The following PPIL1 variants were observed in gnomAD, a reference collection of about 807,000 sequenced individuals.
PPIL1 encodes the protein peptidyl-prolyl cis-trans isomerase-like 1.
A neutral mutation model predicts 19.4 loss-of-function variants in PPIL1; 14 were observed. The ratio of observed to expected loss-of-function variants is 0.72; its 90% CI spans 0.48 to 1.13. The LOEUF (loss-of-function observed/expected upper bound fraction) is 1.13. Ranked by LOEUF, PPIL1 falls within the 50% of genes most tolerant of loss-of-function variation. PPIL1 has a pLI of 0.00. For synonymous variants in PPIL1, 72 were observed against 73.6 expected, an observed-to-expected ratio of 0.98 and a Z score of 0.11; for missense variants, 192 against 218.0, an observed-to-expected ratio of 0.88 and a Z score of 0.75.
chr6:36,856,643 C>T lies in PPIL1; in HGVS notation c.223G>A (p.Ala75Thr), dbSNP rs757542964. 3 of 1,614,064 alleles carry T rather than the reference C, an allele frequency of 1.9e-6. No individual in the cohort carries two copies. Among genetic ancestry groups the T allele is most frequent in the Admixed American group, 3.3e-5 (2 of 60,022 alleles). ...GDPTGTGRGG[A>T]SIYGKQFEDE... Reference sequence around the variant, plus strand: ...TCAAACTGTTTGCCATAGATAGATGCACCACCTCGACCTGCCCGATTGGAA... The same window carrying T: ...TCAAACTGTTTGCCATAGATAGATGTACCACCTCGACCTGCCCGATTGGAA... Residue 75 changes from alanine (A) to threonine (T), a missense_variant, in exon 3 of 4, where the codon GCA (alanine) becomes ACA (threonine). Ala to Thr is a moderately conservative substitution (Grantham distance 58). Coordinates refer to ENST00000373699, the MANE Select transcript of PPIL1 (RefSeq NM_016059.5).
chr6:36,860,004 T>C (rs900438449), intron 2 of PPIL1, among the ~76,000 whole-genome samples: 2 of 152,064 alleles, frequency 1.3e-5, no homozygotes, highest in African/African-American at 4.8e-5. Context: ...AATTTTTGTA[T>C]TTTTAGTAGA....
chr6:36,863,140 C>T (rs1262133992), intron 2 of PPIL1, among the ~76,000 whole-genome samples: 1 of 152,088 alleles, frequency 6.6e-6, no homozygotes, highest in Non-Finnish European at 1.5e-5. Context: ...GATGAAGAGC[C>T]CCTTTAACTG....
intron 1 of PPIL1, 21 bp downstream of exon 1, chr6:36,874,696 C>G (rs200226282): frequency 3.1e-6 from 5 of 1,613,274 alleles, no homozygotes; most frequent in African/African-American, 1.3e-5. Context: ...CTGCCAGCCC[C>G]AGACGCCCGA....
rs1195491799 is a variant in PPIL1, at chr6:36,874,780, C to G, written c.-8G>C. 6.2e-7 allele frequency: 1 copy of G among 1,614,034 alleles called. No individual in the cohort carries two copies. Among genetic ancestry groups the G allele is most frequent in the South Asian group, 1.1e-5 (1 of 91,058 alleles). ...TGGGGGAATTGCCGCCATAGCGAAGCCGGCGGCGGAATGCTTGTCTAGTAA... is the reference window on the plus strand; with the variant it reads ...TGGGGGAATTGCCGCCATAGCGAAGGCGGCGGCGGAATGCTTGTCTAGTAA... On this transcript the variant is annotated 5_prime_UTR_variant, in exon 1 of 4. Transcript: ENST00000373699.
chr6:36,871,611 A>T (rs1774511576), intron 2 of PPIL1, 107 bp downstream of exon 2: 1 of 1,360,606 alleles, frequency 7.3e-7, no homozygotes, highest in Admixed American at 2.4e-5. Flanking sequence ...TGGCTGCCTT[A>T]TCACCTATTT....
At chr6:36,861,523 T>G (rs1188916551) in intron 2 of PPIL1, among the ~76,000 whole-genome samples, 1 of 152,172 alleles carries the variant, frequency 6.6e-6, no homozygotes, top group Admixed American at 6.5e-5. Flanking sequence ...CCCATGTTGG[T>G]AAAGGCTCAA....
At chr6:36,863,047 C>T (rs1774321570) in intron 2 of PPIL1, among the ~76,000 whole-genome samples, 2 of 152,212 alleles carry the variant, frequency 1.3e-5, no homozygotes, top group South Asian at 4.1e-4. Flanking sequence ...CTATGTCTCA[C>T]AGGCTTGTTA....
At chr6:36,871,676 A>C in intron 2 of PPIL1, 42 bp downstream of exon 2, 1 of 1,429,288 alleles carries the variant, frequency 7.0e-7, no homozygotes, top group Non-Finnish European at 9.4e-7. Context: ...CGAAAAGGAG[A>C]AAAAAAAAAG....
chr6:36,874,597 G>C, intron 1 of PPIL1, 120 bp downstream of exon 1: 3 of 1,353,322 alleles, frequency 2.2e-6, no homozygotes, highest in Middle Eastern at 5.1e-4. Flanking sequence ...CTCGGCCGCT[G>C]CTCCACGCCC....
At chr6:36,874,485 G>A (rs901517132) in intron 1 of PPIL1, among the ~76,000 whole-genome samples, 2 of 152,240 alleles carry the variant, frequency 1.3e-5, no homozygotes, top group African/African-American at 2.4e-5. Flanking sequence ...CGGACTGGGG[G>A]AAGGAGGACA....
intron 2 of PPIL1, among the ~76,000 whole-genome samples, chr6:36,860,444 A>G (rs1020236126): frequency 7.9e-5 from 12 of 151,940 alleles, no homozygotes; most frequent in Middle Eastern, 3.4e-3. Context: ...TCTGTCTCCA[A>G]AAAAAAAGAG....
At chr6:36,870,816 G>A (rs1018628268) in intron 2 of PPIL1, among the ~76,000 whole-genome samples, 6 of 152,076 alleles carry the variant, frequency 3.9e-5, no homozygotes, top group Non-Finnish European at 7.4e-5. Flanking sequence ...TAGACAGAGC[G>A]TTTCACCATG....
At chr6:36,867,090 G>A (rs1005021074) in intron 2 of PPIL1, among the ~76,000 whole-genome samples, 1 of 152,168 alleles carries the variant, frequency 6.6e-6, no homozygotes, top group Non-Finnish European at 1.5e-5. Context: ...AAAACTCGGG[G>A]CCTCAACCCG....
intron 2 of PPIL1, among the ~76,000 whole-genome samples, chr6:36,859,285 C>T (rs1179039493): frequency 5.3e-5 from 8 of 151,896 alleles, no homozygotes; most frequent in Non-Finnish European, 1.0e-4. Context: ...ATTAGCCAGG[C>T]GTGGTGGCAC....
At chr6:36,872,541 G>A (rs997884373) in intron 1 of PPIL1, among the ~76,000 whole-genome samples, 2 of 152,004 alleles carry the variant, frequency 1.3e-5, no homozygotes, top group African/African-American at 4.8e-5. Context: ...TAAGGAAGAG[G>A]CAAGAGAAAG....
At chr6:36,859,282 A>G (rs1425168928) in intron 2 of PPIL1, among the ~76,000 whole-genome samples, 1 of 151,952 alleles carries the variant, frequency 6.6e-6, no homozygotes, top group Non-Finnish European at 1.5e-5. Flanking sequence ...AAAATTAGCC[A>G]GGCGTGGTGG....
At chr6:36,864,090 A>G in intron 2 of PPIL1, among the ~76,000 whole-genome samples, 1 of 151,960 alleles carries the variant, frequency 6.6e-6, no homozygotes, top group South Asian at 2.1e-4. Flanking sequence ...CCTAGTTCAA[A>G]CAACAACCAT....
intron 2 of PPIL1, among the ~76,000 whole-genome samples, chr6:36,857,105 T>C (rs1774183719): frequency 6.6e-6 from 1 of 152,180 alleles, no homozygotes; most frequent in South Asian, 2.1e-4. Flanking sequence ...TGCCAATCAA[T>C]CAGTATTCTT....
intron 2 of PPIL1, among the ~76,000 whole-genome samples, chr6:36,862,575 T>C (rs1384056999): frequency 3.9e-5 from 6 of 152,226 alleles, no homozygotes; most frequent in East Asian, 1.9e-4. Flanking sequence ...TCTTTGAAAG[T>C]AGGGTGATGC....
Sources: allele counts gnomAD v4.1 joint callset (sites outside exome capture counted in the v4.1 genomes callset), GRCh38; gene constraint gnomAD v4.1.1; transcripts MANE v1.5; gene names NCBI Gene and HGNC (gene_info 2026-07-23, HGNC 2026-07-21).